DUOX2: variants seen among roughly 807,000 people sequenced by gnomAD.
The protein encoded by DUOX2 is NADH/NADPH thyroid oxidase p138-tox.
In DUOX2, 185 loss-of-function variants were observed where a neutral mutation model predicts 183.3. The observed-to-expected ratio is 1.01, with a 90% CI of 0.90 to 1.14. The LOEUF (loss-of-function observed/expected upper bound fraction) is 1.14, where lower values mean the gene tolerates loss of function less well. Among genes scored for constraint, DUOX2 ranks in the 50% most tolerant of loss-of-function variants. The probability of loss-of-function intolerance (pLI) is 0.00; values close to 1 mark genes in which losing one functional copy is unlikely to be tolerated. For synonymous variants in DUOX2, 788 were observed against 812.4 expected, an observed-to-expected ratio of 0.97 and a Z score of 0.51; for missense variants, 1,999 against 2,022.9, an observed-to-expected ratio of 0.99 and a Z score of 0.23.
In DUOX2 at chr15:45,111,819, C is replaced by T. The variant is rs766446687; in HGVS notation, c.462G>A (p.Arg154=). The T allele has an allele frequency of 6.0e-5, 96 of 1,612,380 alleles. No individual in the cohort carries two copies. The highest frequency in any genetic ancestry group is 3.2e-4 in the Admixed American group (19 of 59,960). ...GTCCGGTCTCGGGGTCCCAGCGGCTCCTCTGGAAGGGCAGCACCACGTCCC... is the reference window on the plus strand; with the variant it reads ...GTCCGGTCTCGGGGTCCCAGCGGCTTCTCTGGAAGGGCAGCACCACGTCCC... ...QRGDVVLPFQ[R]SRWDPETGRS... is the part of the protein sequence containing the mutation. Residue 154 remains arginine (R), a synonymous_variant, in exon 5 of 34, where the codon AGG becomes AGA. Transcript: ENST00000389039.
At position 45,112,054 on chromosome 15, in the gene DUOX2, G is replaced by A. The variant is rs1331403975; in HGVS notation, c.326-99C>T. ...GTGTCCTCAGGAGCCAAAAGACAGA[G>A]GTCCCAGTGCCAGCTCCGCCACCAG... On this transcript the variant is annotated intron_variant, in intron 4 of 33. Transcript: ENST00000389039. The A allele has an allele frequency of 4.8e-6, 7 of 1,450,604 alleles. No homozygotes were observed. In the South Asian group the frequency reaches 4.8e-5, roughly 10 times the overall value. The allele number at this position is 1,450,604 out of a possible 1,614,324, so 89.9% of individuals were successfully genotyped here. A position where few individuals can be genotyped will look rare whatever the true frequency, so the allele number is the denominator to read the frequency against.
In DUOX2 at chr15:45,109,897, A is replaced by G; in HGVS notation, c.1124T>C (p.Ile375Thr). 6.2e-7 allele frequency: 1 copy of G among 1,614,140 alleles called. No homozygotes were observed. Among genetic ancestry groups the G allele is most frequent in the South Asian group, 1.1e-5 (1 of 91,084 alleles). ...CCCTGACCCCAGTCTGACCTCCCGA[A>G]TCCAGTAGTTGTTGCAGACCCTGAG... ...QALRVCNNYW[I>T]RENPNLNSTQ... is the part of the protein sequence containing the mutation. The change falls in exon 10 of 34, where the codon ATT becomes ACT. Residue 375 changes from isoleucine to threonine, a missense_variant. Transcript: ENST00000389039.
At chr15:45,107,207 G>C in intron 14 of DUOX2, 138 bp downstream of exon 14, 1 of 1,277,870 alleles carries the variant, frequency 7.8e-7, no homozygotes, top group South Asian at 1.2e-5. Context: ...TGCTGTGGGA[G>C]CCAGCCAAAT....
Position 45,105,802 on chromosome 15 carries a change from T to C in DUOX2, c.2175A>G (p.Glu725=), listed in dbSNP as rs1894197164. 6.2e-7 allele frequency: 1 copy of C among 1,614,044 alleles called. No individual in the cohort carries two copies. Among genetic ancestry groups the C allele is most frequent in the Admixed American group, 1.7e-5 (1 of 60,006 alleles). The change falls in exon 18 of 34, where the codon GAA becomes GAG. Residue 725 remains glutamate, a synonymous_variant. Coordinates refer to ENST00000389039, the MANE Select transcript of DUOX2 (RefSeq NM_001363711.2). ...ATAGCTGCTGCACAAAGGCGCCCCG[T>C]TCCTCTTCAGAACTAAACAGCAGCA... ...DLVLLFSSEE[E]RGAFVQQLWD...
intron 23 of DUOX2, 182 bp from the exon 24 acceptor site, chr15:45,100,410 T>A (rs367580756): frequency 3.2e-6 from 2 of 628,646 alleles, no homozygotes; most frequent in East Asian, 5.5e-5. Context: ...CTTTGCTCCA[T>A]CCACCCACTC....
At chr15:45,097,199 C>T (rs368429285) in intron 29 of DUOX2, 39 bp downstream of exon 29, 7 of 1,613,526 alleles carry the variant, frequency 4.3e-6, no homozygotes, top group Non-Finnish European at 5.9e-6. Flanking sequence ...AAGATTTGGC[C>T]TCTGTCGCTC....
In DUOX2 at chr15:45,114,000, G is replaced by C. The variant is rs112353868; in HGVS notation, c.-42C>G. 6,925 of 193,232 alleles carry C rather than the reference G, an allele frequency of 0.036. 545 individuals carry two copies. The highest frequency in any genetic ancestry group is 0.16 in the African/African-American group (6,620 of 42,648). The allele number at this position is 193,232 out of a possible 1,614,324, so 12.0% of individuals were successfully genotyped here. A position where few individuals can be genotyped will look rare whatever the true frequency, so the allele number is the denominator to read the frequency against. On this transcript the variant is annotated 5_prime_UTR_variant, in exon 1 of 34. In the 5' UTR this introduces an upstream ATG that the reference lacks. Transcript: ENST00000389039. ...GTGGTTTAGGGTGGTGTTGGGTTCA[G>C]ATGTCTTCTTTCCTCTTAAAATCTT... is the stretch of plus-strand genomic sequence containing the variant.
At chr15:45,096,150 G>A (rs1308142142) in intron 29 of DUOX2, 90 bp from the exon 30 acceptor site, 29 of 1,102,974 alleles carry the variant, frequency 2.6e-5, no homozygotes, top group Non-Finnish European at 3.4e-5. Flanking sequence ...TCACACCCCT[G>A]AGGCCTGGGG....
rs569561856 is a variant in DUOX2, at chr15:45,111,900, C to T, written c.381G>A (p.Glu127=). The T allele has an allele frequency of 2.8e-4, 448 of 1,613,854 alleles. 6 individuals are homozygous for T. The South Asian group carries it at 4.5e-3, about 16-fold the overall frequency. The change falls in exon 5 of 34, where the codon GAG becomes GAA. Residue 127 remains glutamate (E), a synonymous_variant. Transcript: ENST00000389039. ...CAGGTGGGATGCGGATGTTGAGGAA[C>T]TCGGCGGGGCAACCGGGCGTTTCCA... ...VSVETPGCPA[E]FLNIRIPPGD... is the part of the protein sequence containing the mutation.
Position 45,095,052 on chromosome 15 carries a change from C to G in DUOX2, c.4279G>C (p.Glu1427Gln). The G allele has an allele frequency of 6.2e-7, 1 of 1,614,168 alleles. No individual in the cohort carries two copies. The highest frequency in any genetic ancestry group is 8.5e-7 in the Non-Finnish European group (1 of 1,180,028). Residue 1427 changes from glutamate to glutamine, a missense_variant, in exon 32 of 34, where the codon GAG (glutamate) becomes CAG (glutamine). By Grantham distance (29) the Glu-to-Gln change is conservative. Around this residue, in one of 3 missense-constraint regions of DUOX2, gnomAD observed 1,628 missense variants for 1,608.6 expected, o/e 1.01. Transcript: ENST00000389039. ...IWVTRTQRQF[E>Q]WLADIIQEVE... ...TCTTGGATGATGTCAGCCAGCCACTCAAACTGACGCTGGGTCCGTGTCACC... is the reference window on the plus strand; with the variant it reads ...TCTTGGATGATGTCAGCCAGCCACTGAAACTGACGCTGGGTCCGTGTCACC...
chr15:45,101,626 T>C (rs1246895958), intron 21 of DUOX2, 167 bp downstream of exon 21: 1 of 820,480 alleles, frequency 1.2e-6, no homozygotes, highest in African/African-American at 1.7e-5. Context: ...TCATTGTGCA[T>C]TAGGCAACTT....
At chr15:45,111,343 G>T in intron 6 of DUOX2, 41 bp downstream of exon 6, 2 of 1,418,422 alleles carry the variant, frequency 1.4e-6, no homozygotes, top group Non-Finnish European at 1.8e-6. Flanking sequence ...GCCCACACTC[G>T]CAGACCCCCA....
chr15:45,094,769 G>T, intron 32 of DUOX2, 78 bp from the exon 33 acceptor site: 1 of 1,602,776 alleles, frequency 6.2e-7, no homozygotes, highest in Non-Finnish European at 8.5e-7. Context: ...TAGCCCAAGA[G>T]ACAGAGAATG....
In DUOX2 at chr15:45,097,326, C is replaced by G; in HGVS notation, c.3759G>C (p.Pro1253=). Residue 1253 remains proline (P), a synonymous_variant, in exon 29 of 34, where the codon CCG becomes CCC. Transcript: ENST00000389039. ...LPTFHIYFLV[P]AIIYGGDKLV... The stretch of plus-strand genomic sequence containing the variant: ...GCTTGTCACCTCCATAGATGATTGC[C>G]GGGACCAGGAAGTAGATGTGGAAAG... 1 of 1,614,244 alleles carries G rather than the reference C, an allele frequency of 6.2e-7. No individual in the cohort carries two copies. Among genetic ancestry groups the G allele is most frequent in the Non-Finnish European group, 8.5e-7 (1 of 1,180,042 alleles).
rs567500345 is a variant in DUOX2, at chr15:45,111,496, TC to T, written c.602del (p.Gly201AspfsTer120). 7 of 1,549,822 alleles carry T rather than the reference TC, an allele frequency of 4.5e-6. No homozygotes were observed. The highest frequency in any genetic ancestry group is 4.8e-5 in the East Asian group (2 of 41,258). Reference protein sequence around the residue: ...WSDALRSFSGGQLASGPDPAF... With the variant: ...WSDALRSFSGXQLASGPDPAF... The stretch of plus-strand genomic sequence containing the variant: ...CGGGGTCGGGCCCCGACGCCAGCTG[TC>T]CCCCCGAGAAGCTCCGCAGCGCGTC... On this transcript the variant is annotated frameshift_variant, in exon 6 of 34. Transcript: ENST00000389039. LOFTEE classifies it high-confidence loss of function.
chr15:45,107,581 T>G (rs1894253702), intron 13 of DUOX2, 118 bp from the exon 14 acceptor site: 1 of 1,088,906 alleles, frequency 9.2e-7, no homozygotes, highest in Non-Finnish European at 1.4e-6. Flanking sequence ...CAGTGGCTCA[T>G]GCCTGTAATC....
Position 45,109,943 on chromosome 15 carries a change from C to A in DUOX2, c.1078G>T (p.Gly360Cys), listed in dbSNP as rs144894209. The change falls in exon 10 of 34, where the codon GGT becomes TGT. Residue 360 changes from glycine to cysteine, a missense_variant. Gly to Cys is a radical substitution (Grantham distance 159). Around this residue, in one of 3 missense-constraint regions of DUOX2, gnomAD observed 1,628 missense variants for 1,608.6 expected, o/e 1.01. Coordinates refer to ENST00000389039, the MANE Select transcript of DUOX2 (RefSeq NM_001363711.2). ...CTGAGAGCTTGGGAGCTTTGAAAAC[C>A]CTTGTTCAGGACCTTCCGGAAATGA... is the stretch of plus-strand genomic sequence containing the variant. ...SCHFRKVLNK[G>C]FQSSQALRVC... 6.2e-7 allele frequency: 1 copy of A among 1,613,938 alleles called. No individual in the cohort carries two copies. The highest frequency in any genetic ancestry group is 8.5e-7 in the Non-Finnish European group (1 of 1,179,990).
rs764224032 is a variant in DUOX2, at chr15:45,100,991, TGTA to T, written c.2922-156_2922-154del. On this transcript the variant is annotated intron_variant, in intron 22 of 33. Coordinates refer to ENST00000389039, the MANE Select transcript of DUOX2 (RefSeq NM_001363711.2). The stretch of plus-strand genomic sequence containing the variant: ...ATTAATAGGATCTCATGATTTGTTT[TGTA>T]GAATGATTCTGGCCTGGAGCAGCAG... 6.2e-4 allele frequency: 428 copies of T among 690,698 alleles called. 1 individual carries two copies. Among genetic ancestry groups the T allele is most frequent in the Non-Finnish European group, 9.3e-4 (364 of 391,008 alleles). 42.8% of individuals were successfully genotyped at this position (690,698 alleles called of 1,614,324 possible).
At chr15:45,094,460 G>A (rs898504961) in intron 33 of DUOX2, 103 bp downstream of exon 33, 40 of 1,535,360 alleles carry the variant, frequency 2.6e-5, no homozygotes, top group Middle Eastern at 2.2e-4. Context: ...CCAGGCAATC[G>A]GGTGGAGTTC....
Sources: allele counts gnomAD v4.1 joint callset, GRCh38; gene constraint gnomAD v4.1.1; regional missense constraint gnomAD v4.1.1; transcripts MANE v1.5; gene names NCBI Gene and HGNC (gene_info 2026-07-23, HGNC 2026-07-21).